The following SYN3 variants were observed in gnomAD, a reference collection of about 807,000 sequenced individuals.
SYN3 encodes synapsin-3.
Under a neutral mutation model 65.8 loss-of-function variants are expected in SYN3, and 35 were observed. The observed-to-expected ratio is 0.53, with a 90% CI of 0.41 to 0.70. The LOEUF (loss-of-function observed/expected upper bound fraction) is 0.70, where lower values mean the gene tolerates loss of function less well. Among genes scored for constraint, SYN3 ranks in the 30% least tolerant of loss-of-function variants. SYN3 has a pLI of 0.00. For missense variants in SYN3, 680 were observed against 749.0 expected, an observed-to-expected ratio of 0.91 and a Z score of 1.08; for synonymous variants, 270 against 292.9, an observed-to-expected ratio of 0.92 and a Z score of 0.80.
chr22:32,718,829 C>T (rs145565405), intron 6 of SYN3, among the ~76,000 whole-genome samples: 1,961 of 152,314 alleles, frequency 0.013, 17 homozygotes, highest in Middle Eastern at 0.037. Flanking sequence ...TCCCACAACT[C>T]CACATGACTT....
intron 6 of SYN3, among the ~76,000 whole-genome samples, chr22:32,841,523 G>A (rs1569267795): frequency 1.3e-5 from 2 of 152,168 alleles, no homozygotes; most frequent in African/African-American, 2.4e-5. Flanking sequence ...TGAGAGCCCC[G>A]GGTGCAGGGA....
chr22:32,899,569 A>T (rs1195004095), intron 4 of SYN3, among the ~76,000 whole-genome samples: 2 of 152,210 alleles, frequency 1.3e-5, no homozygotes, highest in Non-Finnish European at 2.9e-5. Context: ...ATATGGCTTT[A>T]TCTAGAGCAT....
chr22:32,537,983 C>T (rs2058193376), intron 9 of SYN3, 53 bp downstream of exon 9: 1 of 1,548,052 alleles, frequency 6.5e-7, no homozygotes, highest in Non-Finnish European at 8.9e-7. Flanking sequence ...TGCATTCCCC[C>T]TTCAGCTCCT....
At chr22:32,966,544 G>C (rs1045534061) in intron 3 of SYN3, among the ~76,000 whole-genome samples, 2 of 152,178 alleles carry the variant, frequency 1.3e-5, no homozygotes, top group African/African-American at 4.8e-5. Context: ...TTATGCATGA[G>C]AGGAAAGTGA....
intron 1 of SYN3, among the ~76,000 whole-genome samples, chr22:33,057,339 C>T (rs1341028961): frequency 6.6e-6 from 1 of 152,292 alleles, no homozygotes; most frequent in Non-Finnish European, 1.5e-5. Context: ...AGCTCATTTC[C>T]TACCTACAGC....
intron 4 of SYN3, among the ~76,000 whole-genome samples, chr22:32,917,463 G>T (rs919446081): frequency 6.6e-6 from 1 of 152,182 alleles, no homozygotes; most frequent in Admixed American, 6.5e-5. Context: ...TTAGTAAAAG[G>T]TGATTGCTTC....
At chr22:32,604,607 C>CCGTCTCATACTCATGTCTCCG (rs2059340509) in intron 6 of SYN3, among the ~76,000 whole-genome samples, 2 of 152,148 alleles carry the variant, frequency 1.3e-5, no homozygotes, top group Non-Finnish European at 2.9e-5. Flanking sequence ...AAATTCTGTC[C>CCGTCTCATACTCATGTCTCCG]CTGAAAAGCC....
intron 2 of SYN3, among the ~76,000 whole-genome samples, chr22:32,985,657 T>A (rs2052504218): frequency 6.6e-6 from 1 of 152,040 alleles, no homozygotes; most frequent in Non-Finnish European, 1.5e-5. Flanking sequence ...TCTTTCAGAC[T>A]TTTTGGATCC....
intron 3 of SYN3, chr22:32,947,363 T>C (rs1338237611): frequency 1.3e-5 from 2 of 152,210 alleles, no homozygotes; most frequent in African/African-American, 4.8e-5. Context: ...AAGCTGTTCA[T>C]TGTTTTATAC....
chr22:32,913,301 G>T (rs2050101408), intron 4 of SYN3, among the ~76,000 whole-genome samples: 2 of 151,870 alleles, frequency 1.3e-5, no homozygotes, highest in Non-Finnish European at 2.9e-5. Flanking sequence ...TGGGACTACA[G>T]GCACCCACCA....
intron 4 of SYN3, among the ~76,000 whole-genome samples, chr22:32,902,798 T>C (rs1416220953): frequency 6.7e-6 from 1 of 148,642 alleles, no homozygotes; most frequent in African/African-American, 2.5e-5. Flanking sequence ...TGTTGGCAAA[T>C]AGAGAAGATC....
At chr22:32,929,151 G>A (rs946407309) in intron 4 of SYN3, among the ~76,000 whole-genome samples, 1 of 152,086 alleles carries the variant, frequency 6.6e-6, no homozygotes, top group African/African-American at 2.4e-5. Flanking sequence ...GTGTGGTGGT[G>A]CATGTCTGTA....
At chr22:32,889,286 T>G (rs551190106) in intron 4 of SYN3, among the ~76,000 whole-genome samples, 1 of 152,238 alleles carries the variant, frequency 6.6e-6, no homozygotes, top group East Asian at 1.9e-4. Context: ...TACTCACCTT[T>G]GCCCCCAGCT....
At chr22:32,735,207 A>T (rs3788496) in intron 6 of SYN3, among the ~76,000 whole-genome samples, 50,314 of 152,058 alleles carry the variant, frequency 0.33, 8,453 homozygotes, top group South Asian at 0.44. Context: ...ATGGAGTGGG[A>T]TCAAGCCCCA....
intron 6 of SYN3, among the ~76,000 whole-genome samples, chr22:32,820,238 T>A (rs2047198685): frequency 7.2e-6 from 1 of 139,596 alleles, no homozygotes; most frequent in Non-Finnish European, 1.6e-5. Flanking sequence ...TCCTCCTTTC[T>A]CCCCTGTGTG....
At position 32,516,289 on chromosome 22, in the gene SYN3, G is replaced by A. The variant is rs145993829; in HGVS notation, c.1610+1754C>T. Among the ~76,000 whole-genome samples the A allele has an allele frequency of 3.3e-3, 506 of 152,244 alleles. 6 individuals are homozygous for A. The highest frequency in any genetic ancestry group is 0.011 in the African/African-American group (471 of 41,552). ...ACAAAAGTCATTTCTGGGGATGGGGGTAGCAAAGCGTTGGATGAGAATGGG... is the reference window on the plus strand; with the variant it reads ...ACAAAAGTCATTTCTGGGGATGGGGATAGCAAAGCGTTGGATGAGAATGGG... On this transcript the variant is annotated intron_variant, in intron 13 of 13. Transcript: ENST00000358763.
rs937163634 is a variant in SYN3, at chr22:32,562,073, C to T, written c.775-20360G>A. 3.3e-5 allele frequency among the ~76,000 whole-genome samples: 5 copies of T among 152,246 alleles called. No individual in the cohort carries two copies. In the East Asian group the frequency reaches 7.7e-4, roughly 23 times the overall value. Reference sequence around the variant, plus strand: ...GGTGGGTTGAATTCTTCTTCCAATCCGAGATCCAATGATTCTGTTATCTGA... The same window carrying T: ...GGTGGGTTGAATTCTTCTTCCAATCTGAGATCCAATGATTCTGTTATCTGA... On this transcript the variant is annotated intron_variant, in intron 7 of 13. Transcript: ENST00000358763.
At chr22:32,972,179 T>C (rs1231750416) in intron 3 of SYN3, among the ~76,000 whole-genome samples, 1 of 152,220 alleles carries the variant, frequency 6.6e-6, no homozygotes, top group Admixed American at 6.5e-5. Flanking sequence ...GTTATCCTAT[T>C]TCTAGAAGTG....
intron 1 of SYN3, among the ~76,000 whole-genome samples, chr22:33,029,172 ACT>A (rs1491180457): frequency 2.2e-5 from 2 of 89,650 alleles, no homozygotes; most frequent in Admixed American, 1.1e-4. Context: ...TCCAAAGATG[ACT>A]TTTTTTTTTT....
Sources: allele counts gnomAD v4.1 joint callset (sites outside exome capture counted in the v4.1 genomes callset), GRCh38; gene constraint gnomAD v4.1.1; transcripts MANE v1.5; gene names NCBI Gene and HGNC (gene_info 2026-07-23, HGNC 2026-07-21).